The following SLC5A6 variants were observed in gnomAD, a reference collection of about 807,000 sequenced individuals.
SLC5A6 encodes the protein solute carrier family 5 member 6.
In SLC5A6, 31 loss-of-function variants were observed where a neutral mutation model predicts 67.9. The ratio of observed to expected loss-of-function variants is 0.46; its 90% CI spans 0.34 to 0.62. The LOEUF (loss-of-function observed/expected upper bound fraction) is 0.62. Ranked by LOEUF, SLC5A6 falls within the 20% of genes least tolerant of loss-of-function variation. The probability of loss-of-function intolerance (pLI) is 0.01; values close to 1 mark genes in which losing one functional copy is unlikely to be tolerated. For missense variants in SLC5A6, 673 were observed against 812.8 expected (o/e 0.83, Z 2.09); for synonymous variants, 343 against 331.0 (o/e 1.04, Z -0.39).
Position 27,212,097 on chromosome 2 carries a change from G to C in SLC5A6, c.-285C>G. The C allele has an allele frequency of 7.0e-7, 1 of 1,426,856 alleles. No homozygotes were observed. Among genetic ancestry groups the C allele is most frequent in the Non-Finnish European group, 9.3e-7 (1 of 1,071,882 alleles). The allele number at this position is 1,426,856 out of a possible 1,614,324, so 88.4% of individuals were successfully genotyped here. On this transcript the variant is annotated 5_prime_UTR_variant, in exon 1 of 17. Transcript: ENST00000310574. ...GGACGCGGGGAACACCGGGCTGAGG[G>C]AGTCTGCAGTCGGCTCCGGGAAGCC...
chr2:27,203,273 C>T lies in SLC5A6; in HGVS notation c.1167G>A (p.Glu389=). Residue 389 remains glutamate, a synonymous_variant, in exon 11 of 17, where the codon GAG becomes GAA. Transcript: ENST00000310574. ...MEDLIRPWFP[E]FSEARAIMLS... is the part of the protein sequence containing the mutation. ...GCATGATGGCCCGGGCTTCAGAGAA[C>T]TCAGGGAACCAAGGTCGAATCAGGT... is the stretch of plus-strand genomic sequence containing the variant. 6.2e-7 allele frequency: 1 copy of T among 1,614,112 alleles called. No individual in the cohort carries two copies. The highest frequency in any genetic ancestry group is 1.1e-5 in the South Asian group (1 of 91,074).
At position 27,204,495 on chromosome 2, in the gene SLC5A6, A is replaced by T; in HGVS notation, c.971T>A (p.Met324Lys). Residue 324 changes from methionine to lysine, a missense_variant, in exon 9 of 17, where the codon ATG becomes AAG. Transcript: ENST00000310574. ...VMFAYYQEYP[M>K]SIQQAQAAPD... ...GGCTGCCTGAGCCTGCTGAATGCTC[A>T]TGGGATACTCCTGGTAATACGCGAA... The T allele has an allele frequency of 6.2e-7, 1 of 1,613,922 alleles. No individual in the cohort carries two copies. The highest frequency in any genetic ancestry group is 8.5e-7 in the Non-Finnish European group (1 of 1,179,906).
intron 11 of SLC5A6, 37 bp from the exon 12 acceptor site, chr2:27,202,917 T>C: frequency 6.2e-7 from 1 of 1,610,104 alleles, no homozygotes; most frequent in Non-Finnish European, 8.5e-7. Context: ...CAAGAAGGTG[T>C]GAGTTAACAC....
At chr2:27,209,850 C>T (rs1674338231) in intron 2 of SLC5A6, among the ~76,000 whole-genome samples, 1 of 152,178 alleles carries the variant, frequency 6.6e-6, no homozygotes, top group Non-Finnish European at 1.5e-5. Flanking sequence ...AAAATCAGAC[C>T]TGGCAACTCT....
At chr2:27,205,924 C>G in intron 6 of SLC5A6, 102 bp downstream of exon 6, 1 of 867,898 alleles carries the variant, frequency 1.2e-6, no homozygotes, top group Non-Finnish European at 1.9e-6. Context: ...CACCTATTCT[C>G]CTCATCTATA....
At chr2:27,212,591 C>T (rs1266826412), upstream of SLC5A6, 5 of 1,450,514 alleles carry the variant, frequency 3.4e-6, no homozygotes, top group Non-Finnish European at 4.5e-6. Context: ...TGACGCTTCC[C>T]GACCCTGCCC....
At position 27,203,838 on chromosome 2, in the gene SLC5A6, C is replaced by T. The variant is rs903884540; in HGVS notation, c.1035G>A (p.Leu345=). 2 of 1,613,950 alleles carry T rather than the reference C, an allele frequency of 1.2e-6. No homozygotes were observed. The highest frequency in any genetic ancestry group is 1.3e-5 in the African/African-American group (1 of 74,924). ...QFVLYFVMDL[L]KGLPGLPGLF... is the part of the protein sequence containing the mutation. ...GCCCTGGCAGGCCTGGCAGGCCCTT[C>T]AGGAGATCCATCACAAAGTACAGGA... is the stretch of plus-strand genomic sequence containing the variant. Residue 345 remains leucine (L), a synonymous_variant, in exon 10 of 17, where the codon CTG becomes CTA. Transcript: ENST00000310574.
At chr2:27,206,442 A>G (rs1355752316) in intron 5 of SLC5A6, 41 bp downstream of exon 5, 2 of 1,600,060 alleles carry the variant, frequency 1.2e-6, no homozygotes, top group Non-Finnish European at 1.7e-6. Flanking sequence ...TGCTTTCCTA[A>G]CCTACCACGG....
intron 11 of SLC5A6, 24 bp downstream of exon 11, chr2:27,203,207 GAA>G: frequency 1.9e-6 from 3 of 1,613,830 alleles, no homozygotes; most frequent in Non-Finnish European, 2.5e-6. Context: ...GACCCAGACT[GAA>G]GAGATGAGGA....
In SLC5A6 at chr2:27,212,234, GA is replaced by G. The variant is rs867390981; in HGVS notation, c.-423del. On this transcript the variant is annotated 5_prime_UTR_variant, in exon 1 of 17. Coordinates refer to ENST00000310574, the MANE Select transcript of SLC5A6 (RefSeq NM_021095.4). ...GACCAGCGCAGAGCTCCACGAGCAGGAAAAGCCCCCAAGCAGCCCCAGGGCG... is the reference window on the plus strand; with the variant it reads ...GACCAGCGCAGAGCTCCACGAGCAGGAAAGCCCCCAAGCAGCCCCAGGGCG... 3 of 1,561,366 alleles carry G rather than the reference GA, an allele frequency of 1.9e-6. No homozygotes were observed. Among genetic ancestry groups the G allele is most frequent in the Non-Finnish European group, 2.6e-6 (3 of 1,153,250 alleles).
At position 27,201,852 on chromosome 2, in the gene SLC5A6, C is replaced by T. The variant is rs761830165; in HGVS notation, c.1363-5G>A. Reference sequence around the variant, plus strand: ...CAACAGGCCCACAACAGCACCCTGCCGAGACACAGTGCAGGCCTGTCACAA... The same window carrying T: ...CAACAGGCCCACAACAGCACCCTGCTGAGACACAGTGCAGGCCTGTCACAA... On this transcript the variant is annotated splice_polypyrimidine_tract_variant and splice_region_variant and intron_variant, in intron 13 of 16. Coordinates refer to ENST00000310574, the MANE Select transcript of SLC5A6 (RefSeq NM_021095.4). 29 of 1,613,622 alleles carry T rather than the reference C, an allele frequency of 1.8e-5. No homozygotes were observed. The highest frequency in any genetic ancestry group is 6.7e-5 in the East Asian group (3 of 44,876).
At chr2:27,206,758 C>G (rs986411845) in intron 4 of SLC5A6, 119 bp downstream of exon 4, 1 of 948,520 alleles carries the variant, frequency 1.1e-6, no homozygotes, top group Non-Finnish European at 1.7e-6. Flanking sequence ...ATGCTAACCT[C>G]TAGCAGGAAT....
rs751375193 is a variant in SLC5A6, at chr2:27,202,887, G to C, written c.1208-7C>G. ...AGCAGCCCATAGCCAAAGGCTGGGG[G>C]AAAAGGACAGGAGAGGAAACAAGAA... On this transcript the variant is annotated splice_polypyrimidine_tract_variant and splice_region_variant and intron_variant, in intron 11 of 16. Coordinates refer to ENST00000310574, the MANE Select transcript of SLC5A6 (RefSeq NM_021095.4). 1 of 1,613,664 alleles carries C rather than the reference G, an allele frequency of 6.2e-7. No homozygotes were observed. Among genetic ancestry groups the C allele is most frequent in the African/African-American group, 1.3e-5 (1 of 75,022 alleles).
Position 27,207,801 on chromosome 2 carries a change from A to C in SLC5A6, c.-140-11T>G, listed in dbSNP as rs890080471. ...ACTGTCCAGGGTGAGCTGCAAAGGA[A>C]TTAGCTCTTAGTGAGGCCTATCTGG... On this transcript the variant is annotated splice_polypyrimidine_tract_variant and intron_variant, in intron 2 of 16. Transcript: ENST00000310574. The surrounding 1 kb of genome is among the most constrained non-coding windows in gnomAD (Gnocchi z 5.5). The C allele has an allele frequency of 1.4e-6, 1 of 722,098 alleles. No individual in the cohort carries two copies. The highest frequency in any genetic ancestry group is 2.2e-6 in the Non-Finnish European group (1 of 444,940). 44.7% of individuals were successfully genotyped at this position (722,098 alleles called of 1,614,324 possible).
chr2:27,202,359 AG>A (rs1043769927), intron 12 of SLC5A6, among the ~76,000 whole-genome samples: 1 of 152,038 alleles, frequency 6.6e-6, no homozygotes, highest in Admixed American at 6.5e-5. Context: ...AAAATTAGCC[AG>A]ACACGGTGGC....
intron 13 of SLC5A6, 21 bp downstream of exon 13, chr2:27,201,967 G>A: frequency 6.2e-7 from 1 of 1,609,710 alleles, no homozygotes; most frequent in Non-Finnish European, 8.5e-7. Flanking sequence ...ACATGACTGT[G>A]GATCCAGATG....
At chr2:27,205,568 T>C in intron 6 of SLC5A6, 64 bp from the exon 7 acceptor site, 2 of 1,572,900 alleles carry the variant, frequency 1.3e-6, no homozygotes, top group Non-Finnish European at 1.7e-6. Flanking sequence ...CCAACCTGCC[T>C]TATTTTGTTG....
At chr2:27,206,654 T>C (rs1205243440) in intron 4 of SLC5A6, 120 bp from the exon 5 acceptor site, 8 of 1,023,080 alleles carry the variant, frequency 7.8e-6, no homozygotes, top group Non-Finnish European at 1.2e-5. Context: ...ACTTCCCTCT[T>C]CCTTCTCCTC....
At chr2:27,202,750 C>G in intron 12 of SLC5A6, 63 bp downstream of exon 12, 1 of 1,438,268 alleles carries the variant, frequency 7.0e-7, no homozygotes, top group East Asian at 2.3e-5. Flanking sequence ...CCCTTCTCAA[C>G]TTCCTGTTTC....
Sources: allele counts gnomAD v4.1 joint callset (sites outside exome capture counted in the v4.1 genomes callset), GRCh38; gene constraint gnomAD v4.1.1; non-coding constraint Gnocchi (gnomAD v3.1); transcripts MANE v1.5; gene names NCBI Gene and HGNC (gene_info 2026-07-23, HGNC 2026-07-21).